Variants in PARPBP observed in about 807,000 individuals in gnomAD.
PARPBP encodes PARP1 binding protein.
In PARPBP, 52 loss-of-function variants were observed where a neutral mutation model predicts 50.0. That is an observed-to-expected ratio of 1.04 (90% CI 0.83 to 1.31). The LOEUF is 1.31. PARPBP is among the 50% of genes most tolerant of loss of function. The probability of loss-of-function intolerance (pLI) is 0.00; values close to 1 mark genes in which losing one functional copy is unlikely to be tolerated. For synonymous variants in PARPBP, 244 were observed against 232.1 expected, an observed-to-expected ratio of 1.05 and a Z score of -0.47; for missense variants, 697 against 672.0, an observed-to-expected ratio of 1.04 and a Z score of -0.41.
intron 6 of PARPBP, among the ~76,000 whole-genome samples, chr12:102,170,386 A>G (rs1888569187): frequency 6.6e-6 from 1 of 152,232 alleles, no homozygotes; most frequent in South Asian, 2.1e-4. Flanking sequence ...TGCCACACAC[A>G]TAGGCTATAT....
At chr12:102,152,484 TTCTAC>T (rs1886329595) in intron 3 of PARPBP, among the ~76,000 whole-genome samples, 1 of 152,244 alleles carries the variant, frequency 6.6e-6, no homozygotes, top group African/African-American at 2.4e-5. Context: ...TGTATTGATG[TTCTAC>T]ATATGTGGTA....
intron 2 of PARPBP, among the ~76,000 whole-genome samples, chr12:102,130,704 CATT>C (rs1461987265): frequency 2.7e-5 from 4 of 149,516 alleles, no homozygotes; most frequent in East Asian, 2.0e-4. Context: ...AAATACAAAA[CATT>C]AGCCGGGCAT....
intron 1 of PARPBP, among the ~76,000 whole-genome samples, chr12:102,120,898 G>T (rs188507196): frequency 1.7e-3 from 255 of 152,312 alleles, no homozygotes; most frequent in African/African-American, 5.9e-3. Context: ...CGGAAGTGTA[G>T]TTCTTTCAAC....
intron 4 of PARPBP, among the ~76,000 whole-genome samples, chr12:102,156,353 AT>A (rs11357754): frequency 0.26 from 37,476 of 144,536 alleles, 4,861 homozygotes; most frequent in East Asian, 0.42. Flanking sequence ...CACCCAGCTA[AT>A]TTTTTTTTTT....
At chr12:102,189,620 A>T (rs1005058194) in intron 9 of PARPBP, among the ~76,000 whole-genome samples, 5 of 152,176 alleles carry the variant, frequency 3.3e-5, no homozygotes, top group African/African-American at 1.2e-4. Flanking sequence ...AATAAATAGG[A>T]TTTGAATAGG....
rs116523582 is a variant in PARPBP at position 102,173,680 on chromosome 12, T to G, written c.822-1803T>G. ...GCTAGCTTATTTTCCCTTGAAAGGTTCAAACTGAATGTGAAAGTCCCTGCT... is the reference window on the plus strand; with the variant it reads ...GCTAGCTTATTTTCCCTTGAAAGGTGCAAACTGAATGTGAAAGTCCCTGCT... On this transcript the variant is annotated intron_variant, in intron 6 of 10. Transcript: ENST00000327680. Among the ~76,000 whole-genome samples the G allele has an allele frequency of 4.0e-3, 615 of 152,088 alleles. 5 individuals are homozygous for G. Among genetic ancestry groups the G allele is most frequent in the African/African-American group, 0.013 (529 of 41,460 alleles).
intron 6 of PARPBP, among the ~76,000 whole-genome samples, chr12:102,173,111 T>C (rs1888912432): frequency 6.6e-6 from 1 of 152,046 alleles, no homozygotes; most frequent in East Asian, 1.9e-4. Context: ...AGGTCAAAAA[T>C]AGGTGAAGGA....
At chr12:102,147,106 T>C (rs866773886) in intron 2 of PARPBP, among the ~76,000 whole-genome samples, 74 of 152,206 alleles carry the variant, frequency 4.9e-4, no homozygotes, top group African/African-American at 1.7e-3. Context: ...AGGAACACTT[T>C]TACACTGTTG....
At chr12:102,125,009 A>G (rs2137058735) in intron 2 of PARPBP, among the ~76,000 whole-genome samples, 2 of 152,366 alleles carry the variant, frequency 1.3e-5, no homozygotes, top group Admixed American at 1.3e-4. Context: ...AAAATCTTAA[A>G]ACAGGGATAG....
At chr12:102,155,315 A>G (rs1886725983) in intron 4 of PARPBP, 1 of 153,354 alleles carries the variant, frequency 6.5e-6, no homozygotes, top group South Asian at 2.1e-4. Flanking sequence ...AAAAAACCAT[A>G]TATAACCAAG....
chr12:102,125,659 A>T (rs1881884332), intron 2 of PARPBP, among the ~76,000 whole-genome samples: 1 of 152,148 alleles, frequency 6.6e-6, no homozygotes, highest in Non-Finnish European at 1.5e-5. Context: ...TTGAGCTTCT[A>T]CTATAAGCCA....
At chr12:102,136,500 A>T (rs534049450) in intron 2 of PARPBP, among the ~76,000 whole-genome samples, 1 of 152,356 alleles carries the variant, frequency 6.6e-6, no homozygotes, top group South Asian at 2.1e-4. Flanking sequence ...GAATTTTCAC[A>T]TACTGAAATA....
At chr12:102,125,222 TG>T (rs1881801987) in intron 2 of PARPBP, among the ~76,000 whole-genome samples, 1 of 152,218 alleles carries the variant, frequency 6.6e-6, no homozygotes, top group Admixed American at 6.5e-5. Context: ...TCACTTCTTA[TG>T]GAGTGAACCT....
At chr12:102,153,444 G>T (rs1399363836) in intron 3 of PARPBP, among the ~76,000 whole-genome samples, 1 of 152,174 alleles carries the variant, frequency 6.6e-6, no homozygotes. Flanking sequence ...GGGCTCAAGT[G>T]ATCATCCCAC....
intron 7 of PARPBP, among the ~76,000 whole-genome samples, chr12:102,178,344 T>G (rs1414121863): frequency 6.6e-6 from 1 of 152,232 alleles, no homozygotes; most frequent in African/African-American, 2.4e-5. Context: ...CAAAGCCTAA[T>G]GTTATTTTGA....
chr12:102,152,552 G>A (rs1310018043), intron 3 of PARPBP, among the ~76,000 whole-genome samples: 2 of 152,192 alleles, frequency 1.3e-5, no homozygotes, highest in Non-Finnish European at 2.9e-5. Flanking sequence ...TTATGAGCTA[G>A]TTCCTCCTGT....
chr12:102,151,600 G>C, intron 3 of PARPBP: 1 of 1,535,640 alleles, frequency 6.5e-7, no homozygotes, highest in Non-Finnish European at 8.7e-7. Context: ...TTCAGAAAGA[G>C]GAAGCTTGCT....
intron 6 of PARPBP, among the ~76,000 whole-genome samples, chr12:102,170,816 CTT>C (rs1294887690): frequency 2.0e-5 from 3 of 151,184 alleles, no homozygotes; most frequent in Non-Finnish European, 4.4e-5. Flanking sequence ...TGTAGTAACA[CTT>C]AGCTTAAAAC....
At chr12:102,177,571 C>G (rs1889399901) in intron 7 of PARPBP, among the ~76,000 whole-genome samples, 1 of 151,934 alleles carries the variant, frequency 6.6e-6, no homozygotes, top group South Asian at 2.1e-4. Context: ...TCTGCTTTAT[C>G]TCTATTACTA....
Sources: allele counts gnomAD v4.1 joint callset (sites outside exome capture counted in the v4.1 genomes callset), GRCh38; gene constraint gnomAD v4.1.1; transcripts MANE v1.5; gene names NCBI Gene and HGNC (gene_info 2026-07-23, HGNC 2026-07-21).